Variants in FTCDNL1 observed in about 807,000 individuals in gnomAD.
FTCDNL1 encodes the protein formiminotransferase N-terminal subdomain-containing protein.
A neutral mutation model predicts 5.9 loss-of-function variants in FTCDNL1; 11 were observed. The ratio of observed to expected loss-of-function variants is 1.87; its 90% CI spans 1.18 to 3.10. The LOEUF (loss-of-function observed/expected upper bound fraction) is 3.10. Among genes scored for constraint, FTCDNL1 ranks in the 30% most tolerant of loss-of-function variants. The pLI is 0.00. For synonymous variants in FTCDNL1, 58 were observed against 24.8 expected (o/e 2.34, Z -3.99); for missense variants, 115 against 65.5 (o/e 1.76, Z -2.61).
chr2:199,671,591 C>T, the FTCDNL1 span, among the ~76,000 whole-genome samples: 6 of 152,170 alleles, frequency 3.9e-5, no homozygotes, highest in Admixed American at 2.6e-4. Context: ...TAACAAATGC[C>T]AGGTTCTTTT....
At chr2:199,780,067 T>C (rs1699287952) in intron 3 of FTCDNL1, among the ~76,000 whole-genome samples, 1 of 152,120 alleles carries the variant, frequency 6.6e-6, no homozygotes, top group Non-Finnish European at 1.5e-5. Flanking sequence ...GAGAACAGAC[T>C]GTGGTTAAGA....
chr2:199,718,242 C>T, the FTCDNL1 span, among the ~76,000 whole-genome samples: 1 of 152,052 alleles, frequency 6.6e-6, no homozygotes, highest in Non-Finnish European at 1.5e-5. Flanking sequence ...TTGTAGTGTC[C>T]AATGTCCACT....
chr2:199,698,658 C>T, the FTCDNL1 span, among the ~76,000 whole-genome samples: 234 of 152,182 alleles, frequency 1.5e-3, no homozygotes, highest in Non-Finnish European at 2.6e-3. Context: ...GTGCTAAATG[C>T]CCACATCAAA....
chr2:199,840,081 C>T (rs1377848731), intron 3 of FTCDNL1, among the ~76,000 whole-genome samples: 1 of 152,152 alleles, frequency 6.6e-6, no homozygotes, highest in African/African-American at 2.4e-5. Context: ...TTATCCTCAA[C>T]ACACTGAGGG....
downstream of FTCDNL1, among the ~76,000 whole-genome samples, chr2:199,809,097 T>A (rs1700885189): frequency 6.6e-6 from 1 of 152,190 alleles, no homozygotes; most frequent in South Asian, 2.1e-4. Context: ...TAGTCCATCA[T>A]CTTTTCCATC....
the FTCDNL1 span, among the ~76,000 whole-genome samples, chr2:199,665,634 TA>T: frequency 0.61 from 77,314 of 126,808 alleles, 23,018 homozygotes; most frequent in South Asian, 0.81. Flanking sequence ...AACTTCGTCT[TA>T]AAAAAAAAAA....
the FTCDNL1 span, among the ~76,000 whole-genome samples, chr2:199,706,087 G>A: frequency 1.4e-4 from 22 of 152,176 alleles, no homozygotes; most frequent in Non-Finnish European, 2.5e-4. Flanking sequence ...TATAAAGGCA[G>A]CCTTAAGTCT....
intron 3 of FTCDNL1, among the ~76,000 whole-genome samples, chr2:199,828,573 C>A (rs1344324432): frequency 5.3e-5 from 8 of 152,218 alleles, no homozygotes; most frequent in Admixed American, 3.3e-4. Context: ...TTAACTCCTG[C>A]TTCATATTTG....
At chr2:199,709,186 T>C in the FTCDNL1 span, among the ~76,000 whole-genome samples, 4 of 152,136 alleles carry the variant, frequency 2.6e-5, no homozygotes, top group Admixed American at 6.6e-5. Context: ...TGTTACTCCA[T>C]CATGACCAGA....
chr2:199,840,608 T>TA (rs1395970867), intron 3 of FTCDNL1, among the ~76,000 whole-genome samples: 1 of 152,136 alleles, frequency 6.6e-6, no homozygotes, highest in South Asian at 2.1e-4. Context: ...AGTGTGATAT[T>TA]TCGATATCTA....
downstream of FTCDNL1, among the ~76,000 whole-genome samples, chr2:199,804,520 C>T (rs1457064266): frequency 6.6e-6 from 1 of 152,144 alleles, no homozygotes; most frequent in East Asian, 1.9e-4. Flanking sequence ...CCAATGCTTT[C>T]CATGGCATTT....
chr2:199,711,638 C>G, the FTCDNL1 span, among the ~76,000 whole-genome samples: 1 of 151,980 alleles, frequency 6.6e-6, no homozygotes, highest in South Asian at 2.1e-4. Context: ...ATAGTCCTAA[C>G]AGGAATAGAT....
At chr2:199,694,024 G>A in the FTCDNL1 span, among the ~76,000 whole-genome samples, 1 of 152,198 alleles carries the variant, frequency 6.6e-6, no homozygotes, top group Non-Finnish European at 1.5e-5. Context: ...GCAGAGAGAG[G>A]TAAGGATTGG....
chr2:199,826,198 T>A (rs1702019655), intron 3 of FTCDNL1, among the ~76,000 whole-genome samples: 1 of 152,200 alleles, frequency 6.6e-6, no homozygotes, highest in African/African-American at 2.4e-5. Flanking sequence ...TTTAATCTGG[T>A]TCCTAAAGGG....
the FTCDNL1 span, among the ~76,000 whole-genome samples, chr2:199,695,600 A>T: frequency 6.6e-6 from 1 of 152,326 alleles, no homozygotes; most frequent in African/African-American, 2.4e-5. Flanking sequence ...ACCAGGACTC[A>T]TTCCTGGCCC....
chr2:199,790,802 C>T (rs1043281730), intron 3 of FTCDNL1, among the ~76,000 whole-genome samples: 3 of 152,152 alleles, frequency 2.0e-5, no homozygotes, highest in Non-Finnish European at 4.4e-5. Context: ...TTAATTCCTA[C>T]TGCTTGGCAG....
chr2:199,720,402 T>A, the FTCDNL1 span, among the ~76,000 whole-genome samples: 4 of 152,190 alleles, frequency 2.6e-5, no homozygotes, highest in Non-Finnish European at 5.9e-5. Flanking sequence ...ATTAGTTTCC[T>A]AGGGCTGCCA....
the FTCDNL1 span, among the ~76,000 whole-genome samples, chr2:199,747,066 T>C: frequency 5.3e-4 from 64 of 120,694 alleles, no homozygotes; most frequent in African/African-American, 1.9e-3. Context: ...CACACACACA[T>C]ACACACACAA....
intron 3 of FTCDNL1, among the ~76,000 whole-genome samples, chr2:199,792,304 G>A (rs562005298): frequency 8.0e-4 from 121 of 152,080 alleles, no homozygotes; most frequent in Middle Eastern, 3.4e-3. Flanking sequence ...TACATTGAAC[G>A]TTATTTCTCA....
Sources: allele counts gnomAD v4.1 joint callset (sites outside exome capture counted in the v4.1 genomes callset), GRCh38; gene constraint gnomAD v4.1.1; transcripts MANE v1.5; gene names NCBI Gene and HGNC (gene_info 2026-07-23, HGNC 2026-07-21).